CACNA2D3: variants seen among roughly 807,000 people sequenced by gnomAD.
CACNA2D3 encodes the protein calcium voltage-gated channel auxiliary subunit alpha2delta 3, also known as voltage-dependent calcium channel subunit alpha-2/delta-3.
In CACNA2D3, 60 loss-of-function variants were observed where a neutral mutation model predicts 160.6. The ratio of observed to expected loss-of-function variants is 0.37; its 90% confidence interval spans 0.30 to 0.46. The LOEUF is 0.46. Among genes scored for constraint, CACNA2D3 ranks in the 20% least tolerant of loss-of-function variants. The pLI, the probability that CACNA2D3 is intolerant of heterozygous loss-of-function variation, is 1.00. For missense variants in CACNA2D3, 1,205 were observed against 1,365.0 expected, an observed-to-expected ratio of 0.88 and a Z score of 1.85; for synonymous variants, 558 against 492.9, an observed-to-expected ratio of 1.13 and a Z score of -1.75.
intron 35 of CACNA2D3, among the ~76,000 whole-genome samples, chr3:55,042,385 T>A (rs1703975662): frequency 6.6e-6 from 1 of 152,184 alleles, no homozygotes; most frequent in South Asian, 2.1e-4. Context: ...ATTTTCTGTC[T>A]TATTTTCACT....
At chr3:54,969,961 A>T in intron 29 of CACNA2D3, 117 bp downstream of exon 29, 1 of 652,176 alleles carries the variant, frequency 1.5e-6, no homozygotes, top group Non-Finnish European at 2.4e-6. Context: ...GTACTGGGCC[A>T]ATCTAAAAAA....
chr3:54,632,271 A>G (rs1699256653), intron 10 of CACNA2D3: 1 of 152,188 alleles, frequency 6.6e-6, no homozygotes, highest in Non-Finnish European at 1.5e-5. Context: ...AGTCCACATT[A>G]TTCAGATATC....
chr3:54,601,751 C>T (rs963114765), intron 9 of CACNA2D3, among the ~76,000 whole-genome samples: 1 of 151,946 alleles, frequency 6.6e-6, no homozygotes, highest in Non-Finnish European at 1.5e-5. Flanking sequence ...CATGAAACTT[C>T]ATGAGCATGT....
At chr3:54,478,123 T>G (rs1045891758) in intron 4 of CACNA2D3, among the ~76,000 whole-genome samples, 1 of 152,182 alleles carries the variant, frequency 6.6e-6, no homozygotes, top group Non-Finnish European at 1.5e-5. Flanking sequence ...ACTTTATGGC[T>G]CATGATACAA....
chr3:54,854,966 T>C (rs1019817047), intron 17 of CACNA2D3, among the ~76,000 whole-genome samples: 7 of 152,162 alleles, frequency 4.6e-5, no homozygotes, highest in African/African-American at 1.7e-4. Context: ...TGTAGGACAG[T>C]GTATTTTCTT....
At chr3:54,905,393 G>C (rs1700430226) in intron 27 of CACNA2D3, among the ~76,000 whole-genome samples, 2 of 152,178 alleles carry the variant, frequency 1.3e-5, no homozygotes, top group South Asian at 4.1e-4. Flanking sequence ...CTTCATTAGA[G>C]TTAGGTGAAT....
intron 2 of CACNA2D3, among the ~76,000 whole-genome samples, chr3:54,264,229 C>G (rs147094911): frequency 5.3e-5 from 8 of 152,308 alleles, no homozygotes; most frequent in African/African-American, 9.6e-5. Context: ...GGAAACTGCT[C>G]TTACTTCCTG....
chr3:54,554,508 G>T (rs1252603010), intron 5 of CACNA2D3, among the ~76,000 whole-genome samples: 2 of 152,300 alleles, frequency 1.3e-5, no homozygotes, highest in East Asian at 3.9e-4. Flanking sequence ...ACTGCTGCGG[G>T]TGGGGAGTTG....
intron 4 of CACNA2D3, among the ~76,000 whole-genome samples, chr3:54,417,121 A>T (rs922831411): frequency 4.6e-5 from 7 of 152,188 alleles, no homozygotes; most frequent in African/African-American, 1.7e-4. Flanking sequence ...GTTCTGCCTG[A>T]ATATTTGTGT....
intron 2 of CACNA2D3, among the ~76,000 whole-genome samples, chr3:54,156,232 G>T (rs900794372): frequency 2.6e-5 from 4 of 152,176 alleles, no homozygotes; most frequent in Non-Finnish European, 5.9e-5. Context: ...GGGACAAGAA[G>T]GACATCCATA....
Position 54,712,827 on chromosome 3 carries a change from A to T in CACNA2D3, c.1168-39772A>T, listed in dbSNP as rs561023340. On this transcript the variant is annotated intron_variant, in intron 11 of 37. Coordinates refer to ENST00000474759, the MANE Select transcript of CACNA2D3 (RefSeq NM_018398.3). ...CTTGCACGGCAGCACTAACTCTGAAACTCTCTTCCACTTTAAACAACCCTG... is the reference window on the plus strand; with the variant it reads ...CTTGCACGGCAGCACTAACTCTGAATCTCTCTTCCACTTTAAACAACCCTG... Among the ~76,000 whole-genome samples the T allele has an allele frequency of 8.6e-4, 130 of 151,930 alleles. 1 individual carries two copies. The highest frequency in any genetic ancestry group is 3.0e-3 in the African/African-American group (124 of 41,442).
At chr3:54,246,190 C>T (rs949098038) in intron 2 of CACNA2D3, among the ~76,000 whole-genome samples, 1 of 152,208 alleles carries the variant, frequency 6.6e-6, no homozygotes, top group Non-Finnish European at 1.5e-5. Flanking sequence ...TGAGTTCTTA[C>T]ATGTTGCCTG....
At chr3:54,486,393 A>G (rs1210459401) in intron 4 of CACNA2D3, among the ~76,000 whole-genome samples, 1 of 152,172 alleles carries the variant, frequency 6.6e-6, no homozygotes, top group Non-Finnish European at 1.5e-5. Flanking sequence ...AGGGAAGCCA[A>G]CCTAACTGCA....
At chr3:54,498,434 T>C (rs530857685) in intron 4 of CACNA2D3, among the ~76,000 whole-genome samples, 1 of 152,122 alleles carries the variant, frequency 6.6e-6, no homozygotes, top group East Asian at 1.9e-4. Context: ...ATGTTTCCTC[T>C]TTCATCCCAG....
At chr3:54,946,465 G>A (rs1157990450) in intron 27 of CACNA2D3, among the ~76,000 whole-genome samples, 1 of 152,178 alleles carries the variant, frequency 6.6e-6, no homozygotes, top group Non-Finnish European at 1.5e-5. Context: ...AGAGAATATA[G>A]AGAGGGGAAG....
intron 16 of CACNA2D3, among the ~76,000 whole-genome samples, chr3:54,846,159 G>A (rs181540748): frequency 6.6e-5 from 10 of 152,302 alleles, no homozygotes; most frequent in Non-Finnish European, 7.3e-5. Flanking sequence ...ATGCCAATGT[G>A]GGGATGTGAC....
chr3:54,334,482 A>G (rs1704332129), intron 3 of CACNA2D3, among the ~76,000 whole-genome samples: 1 of 152,162 alleles, frequency 6.6e-6, no homozygotes, highest in Non-Finnish European at 1.5e-5. Context: ...GTTAGCCATT[A>G]TCCACTGACA....
At chr3:54,635,325 T>C (rs1389843719) in intron 10 of CACNA2D3, among the ~76,000 whole-genome samples, 1 of 152,026 alleles carries the variant, frequency 6.6e-6, no homozygotes, top group African/African-American at 2.4e-5. Flanking sequence ...GCAAAGATTA[T>C]TTATTTACTT....
At chr3:54,584,290 T>C (rs1702724722) in intron 9 of CACNA2D3, among the ~76,000 whole-genome samples, 1 of 152,206 alleles carries the variant, frequency 6.6e-6, no homozygotes. Context: ...CAATTAGGAA[T>C]TCTCTTGCAA....
Sources: gnomAD v4.1 joint callset for allele counts (sites outside exome capture counted in the v4.1 genomes callset) on GRCh38, gnomAD v4.1.1 for gene constraint, MANE v1.5 for transcripts, NCBI Gene and HGNC (gene_info 2026-07-23, HGNC 2026-07-21) for gene names.